Variants in PCDH9 observed in about 807,000 individuals in gnomAD.
PCDH9 encodes the protein protocadherin 9.
Under a neutral mutation model 70.6 loss-of-function variants are expected in PCDH9, and 24 were observed. The ratio of observed to expected loss-of-function variants is 0.34; its 90% CI spans 0.25 to 0.48. PCDH9 has a LOEUF of 0.48. Among genes scored for constraint, PCDH9 ranks in the 20% least tolerant of loss-of-function variants. The pLI is 0.99. For synonymous variants in PCDH9, 562 were observed against 558.5 expected, an observed-to-expected ratio of 1.01 and a Z score of -0.09; for missense variants, 1,281 against 1,503.6, an observed-to-expected ratio of 0.85 and a Z score of 2.45.
intron 3 of PCDH9, among the ~76,000 whole-genome samples, chr13:66,671,876 T>TA (rs1031760796): frequency 1.1e-4 from 17 of 151,986 alleles, no homozygotes; most frequent in Non-Finnish European, 1.8e-4. Context: ...CAATAGAAAA[T>TA]AAAAAAACAT....
At chr13:66,462,964 A>G (rs549754360) in intron 4 of PCDH9, among the ~76,000 whole-genome samples, 1 of 151,994 alleles carries the variant, frequency 6.6e-6, no homozygotes, top group South Asian at 2.1e-4. Flanking sequence ...GTACAAACTG[A>G]AATGTGATAT....
chr13:66,343,689 G>A (rs1315185175), intron 4 of PCDH9, among the ~76,000 whole-genome samples: 1 of 152,172 alleles, frequency 6.6e-6, no homozygotes, highest in East Asian at 1.9e-4. Context: ...GGTCCACCTG[G>A]ACAGTCTAGG....
intron 2 of PCDH9, among the ~76,000 whole-genome samples, chr13:67,118,456 C>G (rs2086818364): frequency 6.6e-6 from 1 of 152,112 alleles, no homozygotes; most frequent in African/African-American, 2.4e-5. Flanking sequence ...CTGTGAAATG[C>G]ATAAGCCAAC....
At chr13:66,481,602 T>C (rs1958838143) in intron 4 of PCDH9, among the ~76,000 whole-genome samples, 1 of 152,224 alleles carries the variant, frequency 6.6e-6, no homozygotes, top group Admixed American at 6.5e-5. Flanking sequence ...TTGTGATATT[T>C]GCTTTATTGC....
intron 2 of PCDH9, among the ~76,000 whole-genome samples, chr13:67,027,359 A>G (rs984196823): frequency 6.6e-6 from 1 of 152,240 alleles, no homozygotes; most frequent in African/African-American, 2.4e-5. Context: ...AAAACTGGCT[A>G]GCCATATGTA....
chr13:67,013,157 G>A (rs2084485987), intron 2 of PCDH9, among the ~76,000 whole-genome samples: 1 of 151,410 alleles, frequency 6.6e-6, no homozygotes, highest in Admixed American at 6.6e-5. Flanking sequence ...GAATGTATTG[G>A]AAAAACATAA....
intron 4 of PCDH9, among the ~76,000 whole-genome samples, chr13:66,524,331 C>T (rs1960124757): frequency 6.6e-6 from 1 of 151,488 alleles, no homozygotes; most frequent in African/African-American, 2.4e-5. Flanking sequence ...TTTTCCTTTT[C>T]TCTTTTTGTT....
chr13:66,485,801 G>T (rs1299739326), intron 4 of PCDH9, among the ~76,000 whole-genome samples: 2 of 151,550 alleles, frequency 1.3e-5, no homozygotes, highest in Admixed American at 1.3e-4. Context: ...GAGTGCAATG[G>T]AGTGATCTCA....
At chr13:66,794,553 G>A (rs979243321) in intron 3 of PCDH9, among the ~76,000 whole-genome samples, 1 of 152,078 alleles carries the variant, frequency 6.6e-6, no homozygotes, top group East Asian at 1.9e-4. Context: ...TCTACCATCT[G>A]TTCCTTAGGA....
At chr13:66,343,563 C>T (rs193154196) in intron 4 of PCDH9, among the ~76,000 whole-genome samples, 9 of 152,254 alleles carry the variant, frequency 5.9e-5, no homozygotes, top group African/African-American at 1.4e-4. Flanking sequence ...CAAGGGAGCC[C>T]GTCTCACTTT....
In PCDH9 at chr13:67,019,360, A is replaced by AT. The variant is rs557256282; in HGVS notation, c.3037-115756dup. 8.0e-5 allele frequency among the ~76,000 whole-genome samples: 12 copies of AT among 150,724 alleles called. No homozygotes were observed. In the South Asian group the frequency reaches 2.1e-3, roughly 26 times the overall value. On this transcript the variant is annotated intron_variant, in intron 2 of 4. Transcript: ENST00000377865. ...AGGTGCCCGCCACCATGCCCGGCTG[A>AT]TTTTTTTTGTGTATTTAGTAGAGAC...
intron 4 of PCDH9, among the ~76,000 whole-genome samples, chr13:66,507,043 A>T (rs929634575): frequency 3.9e-5 from 6 of 152,232 alleles, no homozygotes; most frequent in Non-Finnish European, 8.8e-5. Flanking sequence ...AAGTCAACAG[A>T]AAGCTATCAC....
At chr13:66,380,663 C>A (rs1257445805) in intron 4 of PCDH9, among the ~76,000 whole-genome samples, 1 of 151,358 alleles carries the variant, frequency 6.6e-6, no homozygotes, top group African/African-American at 2.4e-5. Context: ...CCTGCCTCAG[C>A]CTCCTGAGTA....
intron 3 of PCDH9, among the ~76,000 whole-genome samples, chr13:66,780,745 T>G (rs1387137556): frequency 6.6e-6 from 1 of 151,884 alleles, no homozygotes; most frequent in Non-Finnish European, 1.5e-5. Flanking sequence ...TTAGGTCTCC[T>G]CCACAGTGGA....
chr13:66,559,860 A>ACACC (rs1360627627), intron 4 of PCDH9, among the ~76,000 whole-genome samples: 1 of 149,266 alleles, frequency 6.7e-6, no homozygotes, highest in Admixed American at 6.7e-5. Flanking sequence ...ACACACACAC[A>ACACC]CACGGATCAG....
chr13:66,719,425 A>C (rs1033761314), intron 3 of PCDH9, among the ~76,000 whole-genome samples: 1 of 152,102 alleles, frequency 6.6e-6, no homozygotes, highest in African/African-American at 2.4e-5. Context: ...TGTTATTATG[A>C]AAGAGATTGA....
At chr13:66,740,712 A>C (rs1173746167) in intron 3 of PCDH9, among the ~76,000 whole-genome samples, 5 of 152,038 alleles carry the variant, frequency 3.3e-5, no homozygotes, top group African/African-American at 1.2e-4. Context: ...ACTACAAACA[A>C]CTCTATGCAA....
At chr13:66,790,998 C>T (rs896767612) in intron 3 of PCDH9, among the ~76,000 whole-genome samples, 3 of 152,080 alleles carry the variant, frequency 2.0e-5, no homozygotes, top group Admixed American at 1.3e-4. Flanking sequence ...TCTAAACAGG[C>T]GATTTACCAT....
chr13:67,153,958 T>C (rs1336314555), intron 2 of PCDH9, among the ~76,000 whole-genome samples: 1 of 152,222 alleles, frequency 6.6e-6, no homozygotes, highest in African/African-American at 2.4e-5. Flanking sequence ...AATATACGTG[T>C]ATACTTTGGC....
Sources: allele counts gnomAD v4.1 joint callset (sites outside exome capture counted in the v4.1 genomes callset), GRCh38; gene constraint gnomAD v4.1.1; transcripts MANE v1.5; gene names NCBI Gene and HGNC (gene_info 2026-07-23, HGNC 2026-07-21).